Variants in TNFSF4 observed in about 807,000 individuals in gnomAD.
TNFSF4 encodes tumor necrosis factor ligand superfamily member 4.
TNFSF4 carries 4 observed loss-of-function variants against 7.3 expected under a neutral mutation model. The ratio of observed to expected loss-of-function variants is 0.55; its 90% CI spans 0.27 to 1.25. TNFSF4 has a LOEUF of 1.25. TNFSF4 is among the 50% of genes most tolerant of loss of function. The pLI is 0.12. For missense variants in TNFSF4, 181 were observed against 208.8 expected, an observed-to-expected ratio of 0.87 and a Z score of 0.82; for synonymous variants, 76 against 83.7, an observed-to-expected ratio of 0.91 and a Z score of 0.50.
At chr1:173,423,641 G>T in the TNFSF4 span, among the ~76,000 whole-genome samples, 1 of 152,222 alleles carries the variant, frequency 6.6e-6, no homozygotes, top group Admixed American at 6.5e-5. Flanking sequence ...CTGTGAACTG[G>T]TGGAAGCATA....
chr1:173,276,279 G>C, the TNFSF4 span, among the ~76,000 whole-genome samples: 2 of 152,096 alleles, frequency 1.3e-5, no homozygotes, highest in Admixed American at 6.6e-5. Context: ...ACTGCCCAGT[G>C]AGTGCAATTT....
chr1:173,247,061 C>A, the TNFSF4 span, among the ~76,000 whole-genome samples: 62 of 152,250 alleles, frequency 4.1e-4, no homozygotes, highest in Middle Eastern at 3.4e-3. Flanking sequence ...CAAACCTTGT[C>A]TCAGAAAAAG....
chr1:173,177,277 A>G, the TNFSF4 span, among the ~76,000 whole-genome samples: 2 of 152,202 alleles, frequency 1.3e-5, no homozygotes. Context: ...AAAGAACAAG[A>G]TCATGTCCTC....
At chr1:173,220,068 TA>T in the TNFSF4 span, among the ~76,000 whole-genome samples, 19 of 149,612 alleles carry the variant, frequency 1.3e-4, no homozygotes, top group East Asian at 3.9e-4. Flanking sequence ...TTGTAAAGAC[TA>T]AAAAAAAAAT....
chr1:173,429,003 T>C, the TNFSF4 span, among the ~76,000 whole-genome samples: 7 of 150,216 alleles, frequency 4.7e-5, no homozygotes, highest in Admixed American at 6.6e-5. Context: ...CAAGACTCTG[T>C]CTAAGGAAAA....
chr1:173,205,379 T>G, intron 1 of TNFSF4: 5 of 1,609,798 alleles, frequency 3.1e-6, no homozygotes, highest in Non-Finnish European at 4.2e-6. Context: ...TGTCCCAGAG[T>G]TGCTGGATGA....
chr1:173,376,565 C>T, the TNFSF4 span, among the ~76,000 whole-genome samples: 1 of 152,190 alleles, frequency 6.6e-6, no homozygotes, highest in Non-Finnish European at 1.5e-5. Context: ...AATCAGTGCT[C>T]TGTGTCTAGC....
the TNFSF4 span, among the ~76,000 whole-genome samples, chr1:173,247,724 A>G: frequency 7.2e-5 from 11 of 152,330 alleles, no homozygotes; most frequent in Non-Finnish European, 1.3e-4. Flanking sequence ...GGAAAGTATA[A>G]GTTTATTTGA....
chr1:173,267,058 G>A, the TNFSF4 span, among the ~76,000 whole-genome samples: 1 of 152,142 alleles, frequency 6.6e-6, no homozygotes, highest in African/African-American at 2.4e-5. Flanking sequence ...CTGAAAAGAT[G>A]CATAGCCAGT....
chr1:173,388,361 T>A, the TNFSF4 span, among the ~76,000 whole-genome samples: 1 of 152,268 alleles, frequency 6.6e-6, no homozygotes, highest in Non-Finnish European at 1.5e-5. Context: ...TTTGCATGTA[T>A]TTTTGACACA....
chr1:173,206,707 T>C (rs1331432627), intron 1 of TNFSF4, among the ~76,000 whole-genome samples: 1 of 152,206 alleles, frequency 6.6e-6, no homozygotes, highest in Admixed American at 6.5e-5. Flanking sequence ...GTAGACCAGG[T>C]ATATCAGTGA....
the TNFSF4 span, among the ~76,000 whole-genome samples, chr1:173,299,838 G>A: frequency 6.6e-6 from 1 of 151,844 alleles, no homozygotes; most frequent in Non-Finnish European, 1.5e-5. Flanking sequence ...AGAAGGAATA[G>A]GGGATGTGGG....
chr1:173,238,905 C>T, the TNFSF4 span, among the ~76,000 whole-genome samples: 2 of 152,088 alleles, frequency 1.3e-5, no homozygotes, highest in African/African-American at 4.8e-5. Context: ...TAGATGAGCC[C>T]TAAGACCTCA....
chr1:173,324,875 T>A, the TNFSF4 span, among the ~76,000 whole-genome samples: 2 of 152,144 alleles, frequency 1.3e-5, no homozygotes, highest in African/African-American at 4.8e-5. Flanking sequence ...AAGTCCTTAG[T>A]GACCTACAAA....
the TNFSF4 span, among the ~76,000 whole-genome samples, chr1:173,233,103 A>G: frequency 6.6e-6 from 1 of 152,200 alleles, no homozygotes; most frequent in Non-Finnish European, 1.5e-5. Context: ...ACAAATGGCT[A>G]ACTGAATAAC....
the TNFSF4 span, among the ~76,000 whole-genome samples, chr1:173,425,617 A>T: frequency 1.3e-5 from 2 of 152,246 alleles, no homozygotes; most frequent in Non-Finnish European, 2.9e-5. Context: ...TTTGGGACAC[A>T]GCTGGAGGAG....
chr1:173,356,708 C>A, the TNFSF4 span, among the ~76,000 whole-genome samples: 1 of 152,208 alleles, frequency 6.6e-6, no homozygotes, highest in Non-Finnish European at 1.5e-5. Flanking sequence ...TTTCACATGC[C>A]TGGTCATGCC....
the TNFSF4 span, among the ~76,000 whole-genome samples, chr1:173,374,009 C>T: frequency 3.3e-5 from 5 of 152,104 alleles, no homozygotes; most frequent in Non-Finnish European, 7.4e-5. Flanking sequence ...CAGAGAAGGT[C>T]GAGAAGGCAA....
chr1:173,446,067 G>C, the TNFSF4 span, among the ~76,000 whole-genome samples: 1 of 151,762 alleles, frequency 6.6e-6, no homozygotes, highest in African/African-American at 2.4e-5. Flanking sequence ...ATCACTCAGC[G>C]TACAAAGAAC....
Sources: allele counts gnomAD v4.1 joint callset (sites outside exome capture counted in the v4.1 genomes callset), GRCh38; gene constraint gnomAD v4.1.1; transcripts MANE v1.5; gene names NCBI Gene and HGNC (gene_info 2026-07-23, HGNC 2026-07-21).